The following ZNF610 variants were observed in gnomAD, a reference collection of about 807,000 sequenced individuals.
ZNF610 encodes the protein zinc finger protein 610.
Under a neutral mutation model 14.1 loss-of-function variants are expected in ZNF610, and 14 were observed. That is an observed-to-expected ratio of 0.99 (90% CI 0.65 to 1.55). The LOEUF is 1.55. Ranked by LOEUF, ZNF610 falls within the 40% of genes most tolerant of loss-of-function variation. ZNF610 has a pLI of 0.00. For synonymous variants in ZNF610, 185 were observed against 187.6 expected, an observed-to-expected ratio of 0.99 and a Z score of 0.11; for missense variants, 530 against 558.0, an observed-to-expected ratio of 0.95 and a Z score of 0.51.
In ZNF610 at chr19:52,366,538, T is replaced by C; in HGVS notation, c.1160T>C (p.Leu387Pro). The change falls in exon 6 of 6, where the codon CTT (leucine) becomes CCT (proline). Residue 387 changes from leucine (L) to proline (P), a missense_variant. Transcript: ENST00000403906. ...AGAGCATTTCACAAGCGTCCGGGCC[T>C]TATGGCCCATCTTCTAATCCATACT... ...CGRAFHKRPG[L>P]MAHLLIHTGE... 7.4e-6 allele frequency: 12 copies of C among 1,614,208 alleles called. No homozygotes were observed. The highest frequency in any genetic ancestry group is 1.0e-5 in the Non-Finnish European group (12 of 1,180,026).
At chr19:52,345,732 T>A (rs1029960663) in intron 1 of ZNF610, among the ~76,000 whole-genome samples, 1 of 151,842 alleles carries the variant, frequency 6.6e-6, no homozygotes, top group Admixed American at 6.6e-5. Context: ...GGAGATGGAG[T>A]CTCGCTCTGT....
intron 1 of ZNF610, among the ~76,000 whole-genome samples, chr19:52,340,848 T>C (rs1430258951): frequency 6.6e-6 from 1 of 151,846 alleles, no homozygotes; most frequent in Non-Finnish European, 1.5e-5. Flanking sequence ...GCCTGGCTAA[T>C]TTGTGTATTT....
chr19:52,339,423 T>G lies in ZNF610; in HGVS notation c.-258+2917T>G, dbSNP rs368544862. ...CAATACCTGGTTTTCCTAGGCAGAG[T>G]TCCCTGCGGCCTTCCACAGTGTATT... On this transcript the variant is annotated intron_variant, in intron 1 of 5. Transcript: ENST00000403906. 4.1e-4 allele frequency among the ~76,000 whole-genome samples: 60 copies of G among 146,904 alleles called. 1 individual carries two copies. The highest frequency in any genetic ancestry group is 9.4e-4 in the Admixed American group (14 of 14,928).
rs1986160082 is a variant in ZNF610, at chr19:52,367,385, A to G, written c.*618A>G. Reference sequence around the variant, plus strand: ...AGTGATCCACTGGCCTTGGCCTCCCAAAGTGCTGGGATTATAGGTGTGAGC... The same window carrying G: ...AGTGATCCACTGGCCTTGGCCTCCCGAAGTGCTGGGATTATAGGTGTGAGC... On this transcript the variant is annotated 3_prime_UTR_variant, in exon 6 of 6. Coordinates refer to ENST00000403906, the MANE Select transcript of ZNF610 (RefSeq NM_001161425.2). 1.3e-5 allele frequency: 2 copies of G among 152,340 alleles called. No individual in the cohort carries two copies. Among genetic ancestry groups the G allele is most frequent in the African/African-American group, 2.4e-5 (1 of 41,450 alleles). 9.4% of individuals were successfully genotyped at this position (152,340 alleles called of 1,614,324 possible).
intron 5 of ZNF610, among the ~76,000 whole-genome samples, chr19:52,364,531 C>G (rs1458487160): frequency 6.6e-6 from 1 of 152,138 alleles, no homozygotes; most frequent in Non-Finnish European, 1.5e-5. Flanking sequence ...TTTATTTTTG[C>G]AAGCAAGTTT....
chr19:52,332,219 G>A (rs1841458768), upstream of ZNF610, among the ~76,000 whole-genome samples: 1 of 152,226 alleles, frequency 6.6e-6, no homozygotes, highest in Non-Finnish European at 1.5e-5. This position sits in a 1 kb window ranked among gnomAD's most constrained non-coding sequence, Gnocchi z 4.1. Flanking sequence ...ATTTGCAGTT[G>A]TAAAGTTCTG....
intron 3 of ZNF610, among the ~76,000 whole-genome samples, chr19:52,350,264 T>C (rs1985185950): frequency 6.6e-6 from 1 of 152,226 alleles, no homozygotes; most frequent in Non-Finnish European, 1.5e-5. Context: ...GCTTAGGCCA[T>C]CAAATACGAA....
At chr19:52,355,120 T>C (rs1985464357) in intron 5 of ZNF610, among the ~76,000 whole-genome samples, 1 of 152,160 alleles carries the variant, frequency 6.6e-6, no homozygotes, top group African/African-American at 2.4e-5. Flanking sequence ...CTGTGAACTT[T>C]TGTTCCATGA....
At chr19:52,354,419 AT>A (rs760399092) in intron 5 of ZNF610, 40 bp downstream of exon 5, 18 of 1,592,068 alleles carry the variant, frequency 1.1e-5, no homozygotes, top group Non-Finnish European at 1.4e-5. Flanking sequence ...CATAGTTTTT[AT>A]TTTTTTATTT....
chr19:52,338,268 G>C (rs1004857635), intron 1 of ZNF610, among the ~76,000 whole-genome samples: 6 of 152,214 alleles, frequency 3.9e-5, no homozygotes, highest in African/African-American at 1.4e-4. Context: ...GAATTTGCTA[G>C]AGTGGTTCAC....
chr19:52,354,250 G>A lies in ZNF610; in HGVS notation c.191-1G>A. ...TCTTGTTTCTTTCTTTTTATTAACAGGAATCTGTCTTCCTGACCTAAGTAT... is the reference window on the plus strand; with the variant it reads ...TCTTGTTTCTTTCTTTTTATTAACAAGAATCTGTCTTCCTGACCTAAGTAT... On this transcript the variant is annotated splice_acceptor_variant, in intron 4 of 5. Transcript: ENST00000403906. LOFTEE classifies it high-confidence loss of function. The A allele has an allele frequency of 2.5e-6, 4 of 1,613,280 alleles. No individual in the cohort carries two copies. Among genetic ancestry groups the A allele is most frequent in the Non-Finnish European group, 3.4e-6 (4 of 1,179,794 alleles).
At chr19:52,339,438 C>T (rs1984558551) in intron 1 of ZNF610, among the ~76,000 whole-genome samples, 1 of 152,032 alleles carries the variant, frequency 6.6e-6, no homozygotes, top group Admixed American at 6.6e-5. Context: ...TGCGGCCTTC[C>T]ACAGTGTATT....
upstream of ZNF610, among the ~76,000 whole-genome samples, chr19:52,334,936 A>AACACACACACAC (rs559202600): frequency 6.0e-4 from 25 of 41,614 alleles, no homozygotes; most frequent in African/African-American, 2.0e-3. Flanking sequence ...CTCAAAAACA[A>AACACACACACAC]ACACACACAC....
At chr19:52,331,692 A>C (rs1984218308), upstream of ZNF610, among the ~76,000 whole-genome samples, 1 of 152,178 alleles carries the variant, frequency 6.6e-6, no homozygotes, top group African/African-American at 2.4e-5. Flanking sequence ...CTATTATTCA[A>C]AGGATGCAGT....
At chr19:52,330,259 C>A in the ZNF610 span, 4 of 150,926 alleles carry the variant, frequency 2.7e-5, no homozygotes, top group African/African-American at 9.9e-5. Context: ...GACATAAGCA[C>A]TTCTCCAGAT....
At chr19:52,348,445 C>T (rs989301859) in intron 2 of ZNF610, among the ~76,000 whole-genome samples, 3 of 152,114 alleles carry the variant, frequency 2.0e-5, no homozygotes, top group Non-Finnish European at 2.9e-5. Context: ...GGTTGAATCC[C>T]TGGATTTGGA....
At chr19:52,351,220 G>A (rs1410313983) in intron 3 of ZNF610, among the ~76,000 whole-genome samples, 1 of 152,012 alleles carries the variant, frequency 6.6e-6, no homozygotes, top group African/African-American at 2.4e-5. Context: ...ACTTTGGGAG[G>A]CTGAGGCAGG....
intron 3 of ZNF610, among the ~76,000 whole-genome samples, chr19:52,352,124 T>TG (rs1246261202): frequency 2.0e-5 from 3 of 152,234 alleles, no homozygotes; most frequent in African/African-American, 7.2e-5. Context: ...TACACAGGTC[T>TG]GGAGTGTCTT....
rs563617851 is a variant in ZNF610, at chr19:52,359,744, A to G, written c.319+5365A>G. 5.3e-5 allele frequency among the ~76,000 whole-genome samples: 8 copies of G among 152,274 alleles called. No homozygotes were observed. In the East Asian group the frequency reaches 1.2e-3, roughly 22 times the overall value. On this transcript the variant is annotated intron_variant, in intron 5 of 5. Coordinates refer to ENST00000403906, the MANE Select transcript of ZNF610 (RefSeq NM_001161425.2). ...TTTCCTACAGTTCAGTTCTGACACT[A>G]TACCTGGAGATAGTGTCAGATCCCA...
Sources: allele counts gnomAD v4.1 joint callset (sites outside exome capture counted in the v4.1 genomes callset), GRCh38; gene constraint gnomAD v4.1.1; non-coding constraint Gnocchi (gnomAD v3.1); transcripts MANE v1.5; gene names NCBI Gene and HGNC (gene_info 2026-07-23, HGNC 2026-07-21).